The following ARSG variants were observed in gnomAD, a reference collection of about 807,000 sequenced individuals.
ARSG encodes arylsulfatase G.
ARSG carries 37 observed loss-of-function variants against 50.5 expected under a neutral mutation model. The ratio of observed to expected loss-of-function variants is 0.73; its 90% CI spans 0.56 to 0.96. The LOEUF is 0.96. Among genes scored for constraint, ARSG ranks in the 50% least tolerant of loss-of-function variants. The probability of loss-of-function intolerance (pLI) is 0.00; values close to 1 mark genes in which losing one functional copy is unlikely to be tolerated. For synonymous variants in ARSG, 225 were observed against 254.6 expected (o/e 0.88, Z 1.11); for missense variants, 629 against 675.3 (o/e 0.93, Z 0.76).
At chr17:68,343,350 T>A (rs1343001305) in intron 2 of ARSG, among the ~76,000 whole-genome samples, 1 of 151,920 alleles carries the variant, frequency 6.6e-6, no homozygotes, top group African/African-American at 2.4e-5. Flanking sequence ...AGAGACGGGG[T>A]TTCACCATGT....
downstream of ARSG, chr17:68,424,653 A>C: frequency 2.6e-6 from 1 of 380,700 alleles, no homozygotes; most frequent in South Asian, 2.0e-5. Context: ...AGACGAGTGG[A>C]TCACTTGAGG....
chr17:68,291,663 G>C (rs1555756092), intron 1 of ARSG, 95 bp downstream of exon 1: 1 of 151,740 alleles, frequency 6.6e-6, no homozygotes, highest in African/African-American at 2.4e-5. Context: ...GTGCGCCTCT[G>C]CGCGCGTGAC....
intron 8 of ARSG, among the ~76,000 whole-genome samples, chr17:68,382,123 G>A (rs1016282200): frequency 6.6e-6 from 1 of 152,002 alleles, no homozygotes; most frequent in Non-Finnish European, 1.5e-5. Flanking sequence ...GCTAATTTTT[G>A]TATTTTTAGT....
intron 2 of ARSG, among the ~76,000 whole-genome samples, chr17:68,310,203 G>A (rs889130360): frequency 4.6e-5 from 7 of 152,026 alleles, no homozygotes; most frequent in Non-Finnish European, 1.0e-4. Flanking sequence ...CAGGTGATCC[G>A]CCCGTCTCGG....
At chr17:68,287,351 G>A (rs2075865015), upstream of ARSG, among the ~76,000 whole-genome samples, 1 of 151,364 alleles carries the variant, frequency 6.6e-6, no homozygotes, top group Non-Finnish European at 1.5e-5. Flanking sequence ...ATAGAGACAG[G>A]GTCTCCCTAT....
At chr17:68,373,484 C>T (rs2079969824) in intron 8 of ARSG, among the ~76,000 whole-genome samples, 1 of 152,148 alleles carries the variant, frequency 6.6e-6, no homozygotes, top group Non-Finnish European at 1.5e-5. Context: ...CCATCTTGGC[C>T]TTCCAAAGTG....
chr17:68,284,355 C>T (rs2075794077), intron 1 of ARSG, among the ~76,000 whole-genome samples: 1 of 152,066 alleles, frequency 6.6e-6, no homozygotes, highest in South Asian at 2.1e-4. Context: ...GATCGTGCCA[C>T]TGCACTCCAG....
the ARSG span, among the ~76,000 whole-genome samples, chr17:68,437,014 A>ATG: frequency 1.2e-5 from 1 of 82,090 alleles, no homozygotes; most frequent in African/African-American, 4.6e-5. Flanking sequence ...AAATATATAT[A>ATG]TATGTGTGTG....
At chr17:68,434,616 A>C in the ARSG span, 1 of 1,614,044 alleles carries the variant, frequency 6.2e-7, no homozygotes, top group Non-Finnish European at 8.5e-7. Context: ...GAACACCCGG[A>C]TGACTGTGCC....
At chr17:68,335,886 GA>G in intron 2 of ARSG, among the ~76,000 whole-genome samples, 1 of 152,248 alleles carries the variant, frequency 6.6e-6, no homozygotes, top group East Asian at 1.9e-4. Context: ...GAAGCAAGAA[GA>G]GCAATATCGT....
intron 2 of ARSG, among the ~76,000 whole-genome samples, chr17:68,309,706 A>C (rs2076769808): frequency 6.6e-6 from 1 of 151,906 alleles, no homozygotes; most frequent in Non-Finnish European, 1.5e-5. Context: ...TAAAAATACA[A>C]AATGTAGCCG....
intron 11 of ARSG, 62 bp downstream of exon 11, chr17:68,401,512 C>T (rs2147231941): frequency 4.0e-6 from 6 of 1,486,378 alleles, no homozygotes; most frequent in Middle Eastern, 1.9e-4. Flanking sequence ...ACCCCATGGA[C>T]TCTCACCCAG....
chr17:68,335,518 C>T (rs1310989432), intron 2 of ARSG, among the ~76,000 whole-genome samples: 7 of 150,940 alleles, frequency 4.6e-5, no homozygotes, highest in African/African-American at 1.7e-4. Context: ...CATGCCACTG[C>T]CCTCCAGCCT....
chr17:68,307,506 T>C lies in ARSG; in HGVS notation c.13T>C (p.Phe5Leu), dbSNP rs782466491. 6.2e-7 allele frequency: 1 copy of C among 1,613,766 alleles called. No individual in the cohort carries two copies. Among genetic ancestry groups the C allele is most frequent in the South Asian group, 1.1e-5 (1 of 91,066 alleles). The stretch of plus-strand genomic sequence containing the variant: ...TGCCTTCACCACCATGGGCTGGCTT[T>C]TTCTAAAGGTTTTGTTGGCGGGAGT... MGWL[F>L]LKVLLAGVSF... is the part of the protein sequence containing the mutation. Residue 5 changes from phenylalanine (F) to leucine (L), a missense_variant, in exon 2 of 12, where the codon TTT becomes CTT. Transcript: ENST00000621439.
intron 11 of ARSG, among the ~76,000 whole-genome samples, chr17:68,406,379 ACTT>A (rs1489634431): frequency 1.3e-5 from 2 of 152,098 alleles, no homozygotes; most frequent in African/African-American, 4.8e-5. Context: ...TCGTACAATG[ACTT>A]CTTGTCCTCT....
At chr17:68,339,398 AC>A (rs2078171768) in intron 2 of ARSG, among the ~76,000 whole-genome samples, 1 of 152,262 alleles carries the variant, frequency 6.6e-6, no homozygotes, top group African/African-American at 2.4e-5. Flanking sequence ...CAGAAAATGA[AC>A]AAAAATTCCC....
At chr17:68,301,612 A>G (rs2076420872) in intron 1 of ARSG, among the ~76,000 whole-genome samples, 1 of 152,206 alleles carries the variant, frequency 6.6e-6, no homozygotes, top group South Asian at 2.1e-4. Flanking sequence ...CCTGCGGGGC[A>G]TTTGTGTATT....
chr17:68,408,258 A>G (rs964958307), intron 11 of ARSG, among the ~76,000 whole-genome samples: 3 of 143,166 alleles, frequency 2.1e-5, no homozygotes, highest in Non-Finnish European at 4.6e-5. Context: ...ATATCTCCCA[A>G]TGCTATCCCT....
At chr17:68,395,594 C>G (rs2081208221) in intron 10 of ARSG, among the ~76,000 whole-genome samples, 1 of 152,218 alleles carries the variant, frequency 6.6e-6, no homozygotes, top group African/African-American at 2.4e-5. Context: ...TTTCTACCCC[C>G]AACCCCCAGT....
Sources: gnomAD v4.1 joint callset for allele counts (sites outside exome capture counted in the v4.1 genomes callset) on GRCh38, gnomAD v4.1.1 for gene constraint, MANE v1.5 for transcripts, NCBI Gene and HGNC (gene_info 2026-07-23, HGNC 2026-07-21) for gene names.